Variants in KNL1 observed in about 807,000 individuals in gnomAD.
The protein encoded by KNL1 is kinetochore scaffold 1.
A neutral mutation model predicts 201.3 loss-of-function variants in KNL1; 66 were observed. That is an observed-to-expected ratio of 0.33 (90% CI 0.27 to 0.40). The LOEUF (loss-of-function observed/expected upper bound fraction) is 0.40. Among genes scored for constraint, KNL1 ranks in the 10% least tolerant of loss-of-function variants. KNL1 has a pLI of 1.00. For synonymous variants in KNL1, 895 were observed against 899.2 expected (o/e 1.00, Z 0.08); for missense variants, 2,815 against 2,690.5 (o/e 1.05, Z -1.02).
At chr15:40,646,344 T>C (rs1277698300) in intron 16 of KNL1, among the ~76,000 whole-genome samples, 1 of 152,050 alleles carries the variant, frequency 6.6e-6, no homozygotes, top group South Asian at 2.1e-4. Flanking sequence ...TATATTGTAT[T>C]CCATGGAACA....
At chr15:40,606,956 G>A (rs1055696799) in intron 4 of KNL1, among the ~76,000 whole-genome samples, 1 of 152,072 alleles carries the variant, frequency 6.6e-6, no homozygotes, top group Admixed American at 6.6e-5. Flanking sequence ...ACAGGATTTC[G>A]CCATGTTGCC....
intron 4 of KNL1, 45 bp downstream of exon 4, chr15:40,606,497 A>G (rs1289849446): frequency 9.1e-7 from 1 of 1,099,720 alleles, no homozygotes; most frequent in Non-Finnish European, 1.4e-6. Context: ...ATTTTCAGTT[A>G]TATTTTTAAG....
intron 22 of KNL1, among the ~76,000 whole-genome samples, chr15:40,655,638 G>T (rs1487640085): frequency 1.3e-5 from 2 of 151,308 alleles, no homozygotes; most frequent in Admixed American, 6.6e-5. Flanking sequence ...TTACATGCCG[G>T]GCATGGTGGC....
intron 1 of KNL1, among the ~76,000 whole-genome samples, chr15:40,599,502 G>C (rs1891720838): frequency 1.3e-5 from 2 of 150,186 alleles, no homozygotes; most frequent in African/African-American, 4.9e-5. Flanking sequence ...TCCCACCTCA[G>C]CCTCCAGAGT....
chr15:40,651,525 T>C lies in KNL1; in HGVS notation c.6267T>C (p.Phe2089=). 1 of 1,610,044 alleles carries C rather than the reference T, an allele frequency of 6.2e-7. No individual in the cohort carries two copies. Among genetic ancestry groups the C allele is most frequent in the Non-Finnish European group, 8.5e-7 (1 of 1,178,802 alleles). Residue 2089 remains phenylalanine (F), a synonymous_variant, in exon 20 of 26, where the codon TTT becomes TTC. Coordinates refer to ENST00000399668, the MANE Select transcript of KNL1 (RefSeq NM_144508.5). Reference sequence around the variant, plus strand: ...AGCAGACCCTTGCTCAAATAGACTTTATGCAAAAACAAAGAAATAGAACTG... The same window carrying C: ...AGCAGACCCTTGCTCAAATAGACTTCATGCAAAAACAAAGAAATAGAACTG... The part of the protein sequence containing the change: ...QKEQTLAQID[F]MQKQRNRTEE...
chr15:40,638,816 C>CTT (rs1004167044), intron 13 of KNL1, among the ~76,000 whole-genome samples: 9 of 139,038 alleles, frequency 6.5e-5, no homozygotes, highest in African/African-American at 2.4e-4. Context: ...TTCTTTCTTT[C>CTT]TTTTTTTTTT....
chr15:40,639,511 C>A (rs571188417), intron 13 of KNL1, among the ~76,000 whole-genome samples: 1 of 145,562 alleles, frequency 6.9e-6, no homozygotes, highest in African/African-American at 2.6e-5. Flanking sequence ...CTTGAAGCCA[C>A]GAGGTGGAGG....
chr15:40,622,033 C>T lies in KNL1; in HGVS notation c.1769C>T (p.Ala590Val), dbSNP rs773010579. The T allele has an allele frequency of 4.3e-6, 7 of 1,613,880 alleles. No individual in the cohort carries two copies. Among genetic ancestry groups the T allele is most frequent in the Non-Finnish European group, 5.9e-6 (7 of 1,179,950 alleles). The change falls in exon 10 of 26, where the codon GCT becomes GTT. Residue 590 changes from alanine to valine, a missense_variant. Transcript: ENST00000399668. Reference protein sequence around the residue: ...SNLGSQVPLAAYNLAPESTSE... With the variant: ...SNLGSQVPLAVYNLAPESTSE... ...TTAGGAAGTCAGGTTCCTCTTGCAG[C>T]TTATAATCTAGCACCGGAGAGTACC...
At chr15:40,636,449 T>G (rs534430860) in intron 13 of KNL1, among the ~76,000 whole-genome samples, 17 of 152,336 alleles carry the variant, frequency 1.1e-4, no homozygotes, top group Non-Finnish European at 2.4e-4. Context: ...TAAAACAATT[T>G]TAGTATTATA....
chr15:40,637,442 G>A (rs1235866860), intron 13 of KNL1, among the ~76,000 whole-genome samples: 1 of 150,348 alleles, frequency 6.7e-6, no homozygotes, highest in Non-Finnish European at 1.5e-5. Flanking sequence ...TGACGTGTAT[G>A]CAGCCATTAA....
chr15:40,658,561 CAAAA>C (rs35180053), intron 24 of KNL1, among the ~76,000 whole-genome samples: 4 of 74,164 alleles, frequency 5.4e-5, no homozygotes, highest in East Asian at 4.1e-4. Flanking sequence ...GAATCTGTCT[CAAAA>C]AAAAAAAAAA....
intron 12 of KNL1, 53 bp downstream of exon 12, chr15:40,628,731 C>A: frequency 3.4e-6 from 4 of 1,166,706 alleles, no homozygotes; most frequent in Non-Finnish European, 4.9e-6. Flanking sequence ...GAGGTTTAAA[C>A]GTCTCATTTC....
At chr15:40,612,886 A>G (rs1230881568) in intron 7 of KNL1, among the ~76,000 whole-genome samples, 2 of 152,184 alleles carry the variant, frequency 1.3e-5, no homozygotes, top group Admixed American at 6.5e-5. Flanking sequence ...TAGTGGGAGT[A>G]TAATTTGTAG....
rs546672833 is a variant in KNL1 at position 40,651,501 on chromosome 15, G to A, written c.6243G>A (p.Glu2081=). The part of the protein sequence containing the change: ...RNLLELEVQK[E]QTLAQIDFMQ... ...TCTTAGAACTGGAGGTACAAAAAGAGCAGACCCTTGCTCAAATAGACTTTA... is the reference window on the plus strand; with the variant it reads ...TCTTAGAACTGGAGGTACAAAAAGAACAGACCCTTGCTCAAATAGACTTTA... The change falls in exon 20 of 26, where the codon GAG becomes GAA. Residue 2081 remains glutamate (E), a synonymous_variant. Coordinates refer to ENST00000399668, the MANE Select transcript of KNL1 (RefSeq NM_144508.5). 34 of 1,610,106 alleles carry A rather than the reference G, an allele frequency of 2.1e-5. No individual in the cohort carries two copies. The highest frequency in any genetic ancestry group is 2.9e-5 in the Non-Finnish European group (34 of 1,178,596).
rs754128699 is a variant in KNL1 at position 40,622,587 on chromosome 15, G to C, written c.2323G>C (p.Gly775Arg). Residue 775 changes from glycine (G) to arginine (R), a missense_variant, in exon 10 of 26, where the codon GGT becomes CGT. Gly to Arg is a moderately radical substitution (Grantham distance 125). Transcript: ENST00000399668. ...GAGCCACACTGTCGTCATTGGATTT[G>C]GTCCTTCTGAACTACAAGAACTTGG... ...TKSHTVVIGFGPSELQELGKT... is the reference protein window; with the variant it reads ...TKSHTVVIGFRPSELQELGKT... The C allele has an allele frequency of 6.2e-7, 1 of 1,610,806 alleles. No homozygotes were observed. The highest frequency in any genetic ancestry group is 8.5e-7 in the Non-Finnish European group (1 of 1,178,772).
chr15:40,649,307 CT>C (rs1308230629), intron 17 of KNL1, among the ~76,000 whole-genome samples: 1 of 151,444 alleles, frequency 6.6e-6, no homozygotes, highest in Non-Finnish European at 1.5e-5. Context: ...AGTTCTGCCA[CT>C]TTTTTGAGAC....
In KNL1 at chr15:40,641,072, AT is replaced by A. The variant is rs781122705; in HGVS notation, c.5798+46del. On this transcript the variant is annotated intron_variant, in intron 14 of 25. Coordinates refer to ENST00000399668, the MANE Select transcript of KNL1 (RefSeq NM_144508.5). ...TATGTGTGTTTTTTTGAGGGGAGGG[AT>A]CAGTTAATAGTTTGTGTGGTAAGGT... 3.2e-6 allele frequency: 4 copies of A among 1,267,286 alleles called. No individual in the cohort carries two copies. The East Asian group carries it at 7.0e-5, about 22-fold the overall frequency. The allele number at this position is 1,267,286 out of a possible 1,614,324, so 78.5% of individuals were successfully genotyped here.
chr15:40,635,450 G>T (rs1005906193), intron 13 of KNL1, among the ~76,000 whole-genome samples: 2 of 151,964 alleles, frequency 1.3e-5, no homozygotes, highest in African/African-American at 4.8e-5. Context: ...CGCCTCCCAG[G>T]TTCAAGCGAT....
intron 3 of KNL1, 33 bp from the exon 4 acceptor site, chr15:40,606,360 A>AT (rs752005038): frequency 9.1e-5 from 123 of 1,354,202 alleles, no homozygotes; most frequent in Non-Finnish European, 1.1e-4. Context: ...GATATGCCAG[A>AT]TTTTTTTTGA....
Sources: allele counts gnomAD v4.1 joint callset (sites outside exome capture counted in the v4.1 genomes callset), GRCh38; gene constraint gnomAD v4.1.1; transcripts MANE v1.5; gene names NCBI Gene and HGNC (gene_info 2026-07-23, HGNC 2026-07-21).